The following RPE variants were observed in gnomAD, a reference collection of about 807,000 sequenced individuals.
RPE encodes the protein ribulose-phosphate 3-epimerase.
A neutral mutation model predicts 24.6 loss-of-function variants in RPE; 16 were observed. The ratio of observed to expected loss-of-function variants is 0.65; its 90% confidence interval spans 0.44 to 0.99. The LOEUF (loss-of-function observed/expected upper bound fraction) is 0.99. Ranked by LOEUF, RPE falls within the 50% of genes least tolerant of loss-of-function variation. RPE has a pLI of 0.00. For missense variants in RPE, 240 were observed against 294.5 expected (o/e 0.81, Z 1.35); for synonymous variants, 93 against 98.4 (o/e 0.94, Z 0.33).
chr2:210,020,277 AATCT>A lies in RPE; in HGVS notation c.*490_*493del, dbSNP rs2093839760. 1 of 167,078 alleles carries A rather than the reference AATCT, an allele frequency of 6.0e-6. No individual in the cohort carries two copies. 10.3% of individuals were successfully genotyped at this position (167,078 alleles called of 1,614,324 possible). On this transcript the variant is annotated 3_prime_UTR_variant, in exon 6 of 6. Coordinates refer to ENST00000359429, the MANE Select transcript of RPE (RefSeq NM_199229.3). The stretch of plus-strand genomic sequence containing the variant: ...TGCATACCATATTCTTGGTTCTTAA[AATCT>A]ATCACTTTTCACCTTACACTTGATG...
At chr2:210,017,588 C>A (rs751889198) in intron 5 of RPE, 29 bp downstream of exon 5, 4 of 1,596,498 alleles carry the variant, frequency 2.5e-6, no homozygotes, top group Non-Finnish European at 8.6e-7. Flanking sequence ...TATGACTAGA[C>A]CAATTTCCCG....
At chr2:210,006,419 T>C (rs2125055947) in intron 1 of RPE, among the ~76,000 whole-genome samples, 1 of 152,304 alleles carries the variant, frequency 6.6e-6, no homozygotes, top group African/African-American at 2.4e-5. Context: ...TTTTTGAGAC[T>C]ACTGATGCAT....
chr2:210,012,113 G>C (rs1156821286), intron 2 of RPE, among the ~76,000 whole-genome samples: 1 of 152,100 alleles, frequency 6.6e-6, no homozygotes, highest in Non-Finnish European at 1.5e-5. Flanking sequence ...ATTCTTAACT[G>C]TTCAGTTTTC....
chr2:210,019,723 A>C lies in RPE; in HGVS notation c.619A>C (p.Arg207=). The part of the protein sequence containing the change: ...GSAIMRSEDP[R]SVINLLRNVC... ...TGCTATTATGAGGAGTGAAGACCCC[A>C]GATCTGTGATCAATCTATTAAGAAA... The change falls in exon 6 of 6, where the codon AGA becomes CGA. Residue 207 remains arginine, a synonymous_variant. Coordinates refer to ENST00000359429, the MANE Select transcript of RPE (RefSeq NM_199229.3). 6.2e-7 allele frequency: 1 copy of C among 1,613,618 alleles called. No homozygotes were observed. The highest frequency in any genetic ancestry group is 8.5e-7 in the Non-Finnish European group (1 of 1,179,610).
In RPE at chr2:210,016,656, T is replaced by G; in HGVS notation, c.477+15T>G. On this transcript the variant is annotated intron_variant, in intron 4 of 5. Transcript: ENST00000359429. ...TGATGCCAAAGGTAAAAGAAGTATT[T>G]GATTTTGGGGTGAGGCTTTTACAGT... 1.2e-6 allele frequency: 2 copies of G among 1,614,118 alleles called. No homozygotes were observed. Among genetic ancestry groups the G allele is most frequent in the South Asian group, 2.2e-5 (2 of 91,066 alleles).
intron 1 of RPE, among the ~76,000 whole-genome samples, chr2:210,004,560 ATTGT>A (rs950137772): frequency 3.9e-4 from 60 of 152,324 alleles, no homozygotes; most frequent in Admixed American, 9.8e-4. Context: ...TGACTAAGAC[ATTGT>A]TTGGCCTCAA....
At chr2:210,006,285 G>T (rs116178643) in intron 1 of RPE, among the ~76,000 whole-genome samples, 43 of 152,296 alleles carry the variant, frequency 2.8e-4, no homozygotes, top group African/African-American at 8.7e-4. Flanking sequence ...GTAGGCTGAG[G>T]TAGAGACTGT....
At chr2:210,013,336 GTC>G (rs2093726536) in intron 2 of RPE, among the ~76,000 whole-genome samples, 1 of 140,576 alleles carries the variant, frequency 7.1e-6, no homozygotes, top group South Asian at 2.2e-4. Context: ...TTTTGAGACA[GTC>G]TTGCTCTGTC....
chr2:210,017,941 C>CA, intron 5 of RPE: 3 of 558,080 alleles, frequency 5.4e-6, no homozygotes, highest in Non-Finnish European at 6.3e-6. Context: ...GACAGGGTTT[C>CA]ACTATGTTGG....
rs763973382 is a variant in RPE, at chr2:210,008,273, A to AT, written c.123-1376dup. On this transcript the variant is annotated intron_variant, in intron 1 of 5. Transcript: ENST00000359429. ...CTAGTATGGTACTTGCATATAGGGG[A>AT]TTTTTTTTGTTTGTTTTTGTTTTTT... Among the ~76,000 whole-genome samples the AT allele has an allele frequency of 1.3e-3, 180 of 143,334 alleles. 1 individual carries two copies. The highest frequency in any genetic ancestry group is 4.4e-3 in the African/African-American group (169 of 38,692). The allele number at this position is 143,334 out of a possible 152,430, so 94.0% of individuals were successfully genotyped here. A position where few individuals can be genotyped will look rare whatever the true frequency, so the allele number is the denominator to read the frequency against.
intron 4 of RPE, among the ~76,000 whole-genome samples, chr2:210,017,112 G>C (rs2093783210): frequency 2.6e-5 from 4 of 152,170 alleles, no homozygotes; most frequent in Middle Eastern, 3.4e-3. Context: ...CCAAAGTGTT[G>C]GGATTACAGG....
chr2:210,007,153 C>T (rs138290975), intron 1 of RPE, among the ~76,000 whole-genome samples: 31 of 152,328 alleles, frequency 2.0e-4, no homozygotes, highest in African/African-American at 6.0e-4. Flanking sequence ...AAAGTACCTA[C>T]CTCATAGGGT....
Position 210,002,767 on chromosome 2 carries a change from C to T in RPE, c.106C>T (p.Leu36=). 4 of 1,614,190 alleles carry T rather than the reference C, an allele frequency of 2.5e-6. No individual in the cohort carries two copies. Among genetic ancestry groups the T allele is most frequent in the Non-Finnish European group, 3.4e-6 (4 of 1,180,024 alleles). ...MLDSGADYLH[L]DVMDGHFVPN... ...AGACTCTGGGGCCGATTATCTGCAC[C>T]TGGACGTAATGGACGGGTAACTCCT... Residue 36 remains leucine (L), a synonymous_variant, in exon 1 of 6, where the codon CTG becomes TTG. Transcript: ENST00000359429.
At position 210,019,740 on chromosome 2, in the gene RPE, A is replaced by G. The variant is rs148428983; in HGVS notation, c.636A>G (p.Leu212=). The change falls in exon 6 of 6, where the codon CTA becomes CTG. Residue 212 remains leucine (L), a synonymous_variant. Transcript: ENST00000359429. ...RSEDPRSVIN[L]LRNVCSEAAQ... ...AAGACCCCAGATCTGTGATCAATCT[A>G]TTAAGAAATGTTTGCTCAGAAGCTG... 2.3e-5 allele frequency: 37 copies of G among 1,613,364 alleles called. No homozygotes were observed. The highest frequency in any genetic ancestry group is 1.9e-4 in the African/African-American group (14 of 74,920).
intron 1 of RPE, among the ~76,000 whole-genome samples, chr2:210,005,961 G>A (rs201878101): frequency 2.0e-5 from 3 of 152,126 alleles, no homozygotes; most frequent in Admixed American, 6.5e-5. Context: ...TTAGAATTAC[G>A]TAAGTAAAGC....
chr2:210,015,957 T>C lies in RPE; in HGVS notation c.203-16T>C, dbSNP rs1481225137. On this transcript the variant is annotated splice_polypyrimidine_tract_variant and intron_variant, in intron 2 of 5. Coordinates refer to ENST00000359429, the MANE Select transcript of RPE (RefSeq NM_199229.3). ...GGTATTTTTCAGTAATATTTTGAAGTGTCTTTTCTTTCTAGACATGCACAT... is the reference window on the plus strand; with the variant it reads ...GGTATTTTTCAGTAATATTTTGAAGCGTCTTTTCTTTCTAGACATGCACAT... The C allele has an allele frequency of 1.9e-6, 3 of 1,610,628 alleles. No homozygotes were observed. The African/African-American group carries it at 4.0e-5, about 22-fold the overall frequency.
intron 1 of RPE, among the ~76,000 whole-genome samples, chr2:210,003,747 G>A (rs1254047282): frequency 6.6e-6 from 1 of 152,162 alleles, no homozygotes; most frequent in Non-Finnish European, 1.5e-5. Flanking sequence ...TAAAAACCCT[G>A]TGTTCCCTCA....
chr2:210,011,777 T>C (rs1223200916), intron 2 of RPE, among the ~76,000 whole-genome samples: 1 of 150,382 alleles, frequency 6.6e-6, no homozygotes, highest in African/African-American at 2.4e-5. Context: ...GCTCAAGCAA[T>C]CCTCCCGCCA....
intron 3 of RPE, 69 bp from the exon 4 acceptor site, chr2:210,016,438 T>A: frequency 6.2e-7 from 1 of 1,603,918 alleles, no homozygotes. Flanking sequence ...CTACTGGGCC[T>A]GCTATGCCAC....
Sources: gnomAD v4.1 joint callset for allele counts (sites outside exome capture counted in the v4.1 genomes callset) on GRCh38, gnomAD v4.1.1 for gene constraint, MANE v1.5 for transcripts, NCBI Gene and HGNC (gene_info 2026-07-23, HGNC 2026-07-21) for gene names.